ATP5F1B: variants seen among roughly 807,000 people sequenced by gnomAD.
The protein encoded by ATP5F1B is ATP synthase F1 subunit beta.
In ATP5F1B, 17 loss-of-function variants were observed where a neutral mutation model predicts 45.9. That is an observed-to-expected ratio of 0.37 (90% CI 0.25 to 0.56). The LOEUF (loss-of-function observed/expected upper bound fraction) is 0.56, where lower values mean the gene tolerates loss of function less well. Among genes scored for constraint, ATP5F1B ranks in the 20% least tolerant of loss-of-function variants. The pLI is 0.80. For synonymous variants in ATP5F1B, 218 were observed against 256.5 expected, an observed-to-expected ratio of 0.85 and a Z score of 1.43; for missense variants, 387 against 673.2, an observed-to-expected ratio of 0.57 and a Z score of 4.70.
intron 7 of ATP5F1B, among the ~76,000 whole-genome samples, chr12:56,640,659 T>A (rs767736831): frequency 6.6e-6 from 1 of 152,212 alleles, no homozygotes; most frequent in South Asian, 2.1e-4. Flanking sequence ...GATTATCTGG[T>A]CTCTCAGCCA....
Position 56,643,365 on chromosome 12 carries a change from GT to G in ATP5F1B, c.792+37del, listed in dbSNP as rs748967048. ...CTTCAGTTGGCAATAGTTTCCTGGC[GT>G]AACTACCACGTGGACATCAATTAGC... On this transcript the variant is annotated intron_variant, in intron 5 of 9. Transcript: ENST00000262030. 2.0e-4 allele frequency: 303 copies of G among 1,544,976 alleles called. 1 individual carries two copies. The highest frequency in any genetic ancestry group is 2.4e-4 in the Non-Finnish European group (277 of 1,134,708).
rs762449948 is a variant in ATP5F1B at position 56,642,866 on chromosome 12, AAGG to A, written c.793-38_793-36del. On this transcript the variant is annotated intron_variant, in intron 5 of 9. Coordinates refer to ENST00000262030, the MANE Select transcript of ATP5F1B (RefSeq NM_001686.4). ...TCATACATAATCGTAAAACCTGACA[AAGG>A]AGTAGAGAAGCCACATACTGAAGGT... 141 of 1,611,900 alleles carry A rather than the reference AAGG, an allele frequency of 8.7e-5. No individual in the cohort carries two copies. The Admixed American group carries it at 2.3e-3, about 27-fold the overall frequency.
intron 9 of ATP5F1B, 94 bp downstream of exon 9, chr12:56,639,012 T>C: frequency 8.6e-7 from 1 of 1,168,698 alleles, no homozygotes; most frequent in Non-Finnish European, 1.2e-6. Flanking sequence ...TTAAAAAATA[T>C]AATTAAGCAT....
Position 56,645,234 on chromosome 12 carries a change from G to C in ATP5F1B, c.247C>G (p.Leu83Val). Residue 83 changes from leucine (L) to valine (V), a missense_variant, in exon 2 of 10, where the codon CTA becomes GTA. By Grantham distance (32) the Leu-to-Val change is conservative. This residue lies in a region of ATP5F1B where 113 missense variants were observed against 168.0 expected (regional missense o/e 0.67). Transcript: ENST00000262030. ...VQFDEGLPPI[L>V]NALEVQGRET... ...CTGCCTTGCACTTCCAGGGCATTTAGAATTGGTGGTAGTCCCTCATCAAAC... is the reference window on the plus strand; with the variant it reads ...CTGCCTTGCACTTCCAGGGCATTTACAATTGGTGGTAGTCCCTCATCAAAC... 1.2e-6 allele frequency: 2 copies of C among 1,614,240 alleles called. No homozygotes were observed. Among genetic ancestry groups the C allele is most frequent in the Non-Finnish European group, 1.7e-6 (2 of 1,180,028 alleles).
intron 2 of ATP5F1B, 39 bp from the exon 3 acceptor site, chr12:56,644,994 A>G: frequency 6.2e-7 from 1 of 1,614,112 alleles, no homozygotes; most frequent in Non-Finnish European, 8.5e-7. Context: ...ACATAAGGAT[A>G]AATTGGTATC....
chr12:56,643,817 T>C lies in ATP5F1B; in HGVS notation c.607+20A>G. 6.2e-7 allele frequency: 1 copy of C among 1,614,066 alleles called. No homozygotes were observed. Among genetic ancestry groups the C allele is most frequent in the Non-Finnish European group, 8.5e-7 (1 of 1,179,984 alleles). ...CCTCCCATATTAGGTTTGGAAAATA[T>C]GTACCCCTTAATAACATACCAATTT... is the stretch of plus-strand genomic sequence containing the variant. On this transcript the variant is annotated intron_variant, in intron 4 of 9. Coordinates refer to ENST00000262030, the MANE Select transcript of ATP5F1B (RefSeq NM_001686.4).
At chr12:56,643,378 G>A in intron 5 of ATP5F1B, 25 bp downstream of exon 5, 1 of 1,594,078 alleles carries the variant, frequency 6.3e-7, no homozygotes, top group Non-Finnish European at 8.6e-7. Context: ...ACTACCACGT[G>A]GACATCAATT....
intron 7 of ATP5F1B, among the ~76,000 whole-genome samples, chr12:56,641,247 C>A (rs1343525345): frequency 1.3e-5 from 2 of 151,462 alleles, no homozygotes; most frequent in African/African-American, 4.9e-5. Flanking sequence ...CACCTATAAT[C>A]CCAGCTACTC....
intron 5 of ATP5F1B, 190 bp downstream of exon 5, chr12:56,643,213 T>C: frequency 1.9e-6 from 1 of 524,000 alleles, no homozygotes. Flanking sequence ...AAAATGTCCA[T>C]TTGTGTATTG....
intron 8 of ATP5F1B, 146 bp downstream of exon 8, chr12:56,639,834 G>C (rs1481345906): frequency 1.4e-6 from 1 of 716,616 alleles, no homozygotes; most frequent in Non-Finnish European, 2.3e-6. Context: ...AAACTCAAGA[G>C]ACCTCATTAG....
chr12:56,641,702 C>G (rs1328186122), intron 7 of ATP5F1B, among the ~76,000 whole-genome samples: 1 of 151,964 alleles, frequency 6.6e-6, no homozygotes, highest in African/African-American at 2.4e-5. Context: ...AGACAGGTGC[C>G]ACCACGCCCA....
chr12:56,640,121 G>A lies in ATP5F1B; in HGVS notation c.1146C>T (p.Thr382=), dbSNP rs1592643928. 1 of 1,614,070 alleles carries A rather than the reference G, an allele frequency of 6.2e-7. No individual in the cohort carries two copies. The highest frequency in any genetic ancestry group is 8.5e-7 in the Non-Finnish European group (1 of 1,180,014). Reference sequence around the variant, plus strand: ...CAGCAATGGCACGCGACAGTACAGTGGTAGCATCCAAATGGGCAAACGTAG... The same window carrying A: ...CAGCAATGGCACGCGACAGTACAGTAGTAGCATCCAAATGGGCAAACGTAG... ...PATTFAHLDA[T]TVLSRAIAEL... Residue 382 remains threonine, a synonymous_variant, in exon 8 of 10, where the codon ACC becomes ACT. Transcript: ENST00000262030.
intron 5 of ATP5F1B, 173 bp from the exon 6 acceptor site, chr12:56,643,004 C>T: frequency 1.5e-6 from 1 of 688,842 alleles, no homozygotes; most frequent in Non-Finnish European, 2.3e-6. Flanking sequence ...AAGACAGCTT[C>T]TTATATTAGT....
chr12:56,640,072 C>A lies in ATP5F1B; in HGVS notation c.1195G>T (p.Asp399Tyr). Reference protein sequence around the residue: ...IAELGIYPAVDPLDSTSRIMD... With the variant: ...IAELGIYPAVYPLDSTSRIMD... Reference sequence around the variant, plus strand: ...ATACGAGAGGTGGAGTCTAGAGGATCCACAGCTGGATAGATGCCCAGCTCA... The same window carrying A: ...ATACGAGAGGTGGAGTCTAGAGGATACACAGCTGGATAGATGCCCAGCTCA... The change falls in exon 8 of 10, where the codon GAT (aspartate) becomes TAT (tyrosine). Residue 399 changes from aspartate to tyrosine, a missense_variant. Asp to Tyr is a radical substitution (Grantham distance 160). Around this residue, in one of 6 missense-constraint regions of ATP5F1B, gnomAD observed 154 missense variants for 361.4 expected, o/e 0.43. Transcript: ENST00000262030. 1 of 1,614,094 alleles carries A rather than the reference C, an allele frequency of 6.2e-7. No homozygotes were observed. Among genetic ancestry groups the A allele is most frequent in the South Asian group, 1.1e-5 (1 of 91,084 alleles).
intron 3 of ATP5F1B, 73 bp downstream of exon 3, chr12:56,644,708 C>A: frequency 6.7e-7 from 1 of 1,484,228 alleles, no homozygotes; most frequent in Non-Finnish European, 9.1e-7. Flanking sequence ...TTTAGGAGAA[C>A]ATGTCACCTT....
At chr12:56,645,416 G>A in intron 1 of ATP5F1B, 63 bp from the exon 2 acceptor site, 1 of 1,520,940 alleles carries the variant, frequency 6.6e-7, no homozygotes, top group South Asian at 1.2e-5. Flanking sequence ...TCGGAAGCCA[G>A]GACTTAACAC....
At chr12:56,639,646 C>A (rs752205147) in intron 8 of ATP5F1B, among the ~76,000 whole-genome samples, 1 of 151,884 alleles carries the variant, frequency 6.6e-6, no homozygotes, top group Non-Finnish European at 1.5e-5. Flanking sequence ...TGGCGCGCAC[C>A]TGTAATCCCA....
At chr12:56,645,744 C>T in intron 1 of ATP5F1B, 93 bp downstream of exon 1, 1 of 1,550,478 alleles carries the variant, frequency 6.4e-7, no homozygotes, top group Non-Finnish European at 8.7e-7. Context: ...CTTTTAACAC[C>T]ACGGATCCCT....
In ATP5F1B at chr12:56,645,948, C is replaced by T. The variant is rs748262122; in HGVS notation, c.16G>A (p.Gly6Ser). The T allele has an allele frequency of 7.5e-6, 12 of 1,604,692 alleles. No homozygotes were observed. The East Asian group carries it at 2.5e-4, about 33-fold the overall frequency. ...GAGGCCGGAGCAGCGGCCACCCGAC[C>T]CACAAACCCCAACATGGCGTAGTCC... MLGFV[G>S]RVAAAPASGA... Residue 6 changes from glycine to serine, a missense_variant, in exon 1 of 10, where the codon GGT (glycine) becomes AGT (serine). Physicochemically the swap from Gly to Ser is moderately conservative, Grantham distance 56. Transcript: ENST00000262030.
Sources: allele counts gnomAD v4.1 joint callset (sites outside exome capture counted in the v4.1 genomes callset), GRCh38; gene constraint gnomAD v4.1.1; regional missense constraint gnomAD v4.1.1; transcripts MANE v1.5; gene names NCBI Gene and HGNC (gene_info 2026-07-23, HGNC 2026-07-21).